The following NDST3 variants were observed in gnomAD, a reference collection of about 807,000 sequenced individuals.
NDST3 encodes the protein N-deacetylase and N-sulfotransferase 3.
A neutral mutation model predicts 96.1 loss-of-function variants in NDST3; 58 were observed. The observed-to-expected ratio is 0.60, with a 90% CI of 0.49 to 0.75. The LOEUF is 0.75. Among genes scored for constraint, NDST3 ranks in the 30% least tolerant of loss-of-function variants. NDST3 has a pLI of 0.00. For synonymous variants in NDST3, 333 were observed against 359.7 expected (o/e 0.93, Z 0.84); for missense variants, 788 against 1,034.2 (o/e 0.76, Z 3.27).
chr4:118,054,845 T>C lies in NDST3; in HGVS notation c.935T>C (p.Ile312Thr), dbSNP rs772366645. 6.2e-7 allele frequency: 1 copy of C among 1,612,686 alleles called. No individual in the cohort carries two copies. Among genetic ancestry groups the C allele is most frequent in the Non-Finnish European group, 8.5e-7 (1 of 1,179,210 alleles). The change falls in exon 2 of 14, where the codon ATA (isoleucine) becomes ACA (threonine). Residue 312 changes from isoleucine to threonine, a missense_variant. Coordinates refer to ENST00000296499, the MANE Select transcript of NDST3 (RefSeq NM_004784.3). Reference protein sequence around the residue: ...DRYILVDIDDIFVGKEGTRMN... With the variant: ...DRYILVDIDDTFVGKEGTRMN... ...TACATTCTTGTGGATATTGATGATATATTTGTGGGAAAAGAGGGAACAAGA... is the reference window on the plus strand; with the variant it reads ...TACATTCTTGTGGATATTGATGATACATTTGTGGGAAAAGAGGGAACAAGA...
intron 6 of NDST3, among the ~76,000 whole-genome samples, chr4:118,162,717 A>T (rs1735255351): frequency 1.4e-5 from 2 of 147,342 alleles, no homozygotes; most frequent in Non-Finnish European, 3.0e-5. Flanking sequence ...AAAACACCAA[A>T]AGCAATGGCA....
At chr4:118,098,645 G>T (rs1729534171) in intron 2 of NDST3, among the ~76,000 whole-genome samples, 1 of 151,992 alleles carries the variant, frequency 6.6e-6, no homozygotes, top group African/African-American at 2.4e-5. Context: ...ACTCAAGATT[G>T]CTCTATAACT....
intron 2 of NDST3, among the ~76,000 whole-genome samples, chr4:118,094,137 G>A (rs1248814628): frequency 6.6e-6 from 1 of 151,734 alleles, no homozygotes; most frequent in African/African-American, 2.4e-5. Context: ...TGTATTGTGG[G>A]GAACACATTC....
intron 2 of NDST3, among the ~76,000 whole-genome samples, chr4:118,059,110 TAC>T (rs1213951277): frequency 6.6e-6 from 1 of 152,066 alleles, no homozygotes; most frequent in Non-Finnish European, 1.5e-5. Flanking sequence ...CTGTAATAGG[TAC>T]ACATTCCTTT....
chr4:118,061,787 G>A (rs919274345), intron 2 of NDST3, among the ~76,000 whole-genome samples: 1 of 152,086 alleles, frequency 6.6e-6, no homozygotes, highest in Admixed American at 6.6e-5. Context: ...CTTTAGACAT[G>A]ATAAAAGAAA....
chr4:118,209,647 G>A (rs1173069414), intron 6 of NDST3, among the ~76,000 whole-genome samples: 2 of 152,142 alleles, frequency 1.3e-5, no homozygotes, highest in East Asian at 3.8e-4. Flanking sequence ...AGACATAAAT[G>A]TTATAAAAAA....
chr4:118,041,851 T>C (rs1050343101), intron 1 of NDST3, among the ~76,000 whole-genome samples: 13 of 152,206 alleles, frequency 8.5e-5, no homozygotes, highest in Admixed American at 1.3e-4. Flanking sequence ...GGAAAAAACA[T>C]GAGCCCTATG....
At chr4:118,163,099 C>CAACA (rs1229529946) in intron 6 of NDST3, among the ~76,000 whole-genome samples, 1 of 152,168 alleles carries the variant, frequency 6.6e-6, no homozygotes, top group Non-Finnish European at 1.5e-5. Context: ...AGTCAGGAAA[C>CAACA]AACAGGTGCT....
At chr4:118,095,526 A>G (rs1729227295) in intron 2 of NDST3, among the ~76,000 whole-genome samples, 1 of 151,762 alleles carries the variant, frequency 6.6e-6, no homozygotes, top group African/African-American at 2.4e-5. Flanking sequence ...AAATATGGAG[A>G]CAACAGTACT....
intron 2 of NDST3, among the ~76,000 whole-genome samples, chr4:118,058,032 TAA>T (rs796558660): frequency 4.5e-4 from 68 of 152,148 alleles, no homozygotes; most frequent in African/African-American, 1.6e-3. Context: ...ATTTTGTGAT[TAA>T]GAGTATATAA....
intron 2 of NDST3, among the ~76,000 whole-genome samples, chr4:118,086,539 C>T (rs753102480): frequency 1.3e-5 from 2 of 152,106 alleles, no homozygotes; most frequent in Non-Finnish European, 2.9e-5. Context: ...GCCAGCTTCA[C>T]AGGAATTACA....
At position 118,257,892 on chromosome 4, in the gene NDST3, T is replaced by C. The variant is rs1448617107; in HGVS notation, c.*2180T>C. ...CTAGGAAAATTACTATAGTCTTCCA[T>C]CTCCACCAACTTAAGAAAACTGGCT... On this transcript the variant is annotated 3_prime_UTR_variant, in exon 14 of 14. Coordinates refer to ENST00000296499, the MANE Select transcript of NDST3 (RefSeq NM_004784.3). 2 of 152,130 alleles carry C rather than the reference T, an allele frequency of 1.3e-5. No individual in the cohort carries two copies. The highest frequency in any genetic ancestry group is 2.9e-5 in the Non-Finnish European group (2 of 68,014). The allele number at this position is 152,130 out of a possible 1,614,324, so 9.4% of individuals were successfully genotyped here.
chr4:118,194,716 C>A, intron 6 of NDST3: 1 of 545,414 alleles, frequency 1.8e-6, no homozygotes, highest in Non-Finnish European at 3.4e-6. Flanking sequence ...CCAACTGTGT[C>A]CCATTCTCAG....
intron 4 of NDST3, among the ~76,000 whole-genome samples, chr4:118,133,583 G>A (rs1732822134): frequency 6.6e-6 from 1 of 152,298 alleles, no homozygotes; most frequent in South Asian, 2.1e-4. Flanking sequence ...TTTTCTGTAT[G>A]CAGATAGTTG....
chr4:118,092,039 T>C (rs1728911370), intron 2 of NDST3, among the ~76,000 whole-genome samples: 1 of 148,462 alleles, frequency 6.7e-6, no homozygotes, highest in African/African-American at 2.5e-5. Flanking sequence ...CTCTGTGAGG[T>C]AGGTATTTTC....
intron 2 of NDST3, among the ~76,000 whole-genome samples, chr4:118,059,210 C>T (rs1725701024): frequency 1.3e-5 from 2 of 152,070 alleles, no homozygotes; most frequent in African/African-American, 4.8e-5. Flanking sequence ...AACTGTGGCT[C>T]CTCCTGGAGC....
chr4:118,131,628 ATT>A (rs1361387198), intron 4 of NDST3, among the ~76,000 whole-genome samples: 4 of 151,878 alleles, frequency 2.6e-5, no homozygotes, highest in Non-Finnish European at 5.9e-5. Flanking sequence ...TGGTGAGGTC[ATT>A]TTCCTGGATC....
chr4:118,071,865 T>C (rs1197966262), intron 2 of NDST3, among the ~76,000 whole-genome samples: 2 of 152,154 alleles, frequency 1.3e-5, no homozygotes, highest in Non-Finnish European at 2.9e-5. Context: ...CTAATTCACA[T>C]TCCCACTAGC....
intron 1 of NDST3, among the ~76,000 whole-genome samples, chr4:118,044,697 AT>A (rs1334033500): frequency 6.6e-6 from 1 of 152,242 alleles, no homozygotes; most frequent in African/African-American, 2.4e-5. Context: ...AACATTAACA[AT>A]TTATATGGCT....
Sources: gnomAD v4.1 joint callset for allele counts (sites outside exome capture counted in the v4.1 genomes callset) on GRCh38, gnomAD v4.1.1 for gene constraint, MANE v1.5 for transcripts, NCBI Gene and HGNC (gene_info 2026-07-23, HGNC 2026-07-21) for gene names.